The following MAP1B variants were observed in gnomAD, a reference collection of about 807,000 sequenced individuals.
MAP1B encodes microtubule-associated protein 1B.
Under a neutral mutation model 176.1 loss-of-function variants are expected in MAP1B, and 12 were observed. That is an observed-to-expected ratio of 0.07 (90% CI 0.04 to 0.11). The LOEUF is 0.11. Among genes scored for constraint, MAP1B ranks in the 10% least tolerant of loss-of-function variants. The pLI, the probability that MAP1B is intolerant of heterozygous loss-of-function variation, is 1.00. For missense variants in MAP1B, 2,523 were observed against 2,990.5 expected, an observed-to-expected ratio of 0.84 and a Z score of 3.65; for synonymous variants, 1,044 against 1,135.0, an observed-to-expected ratio of 0.92 and a Z score of 1.61.
At chr5:72,174,589 C>CG (rs1462688290) in intron 2 of MAP1B, among the ~76,000 whole-genome samples, 24 of 152,288 alleles carry the variant, frequency 1.6e-4, no homozygotes, top group Admixed American at 9.8e-4. Context: ...GCTAGGCTTG[C>CG]GGGGGCCACA....
At chr5:72,178,880 G>A (rs551279624) in intron 2 of MAP1B, among the ~76,000 whole-genome samples, 9 of 152,104 alleles carry the variant, frequency 5.9e-5, no homozygotes, top group African/African-American at 1.7e-4. Flanking sequence ...GCTGAATGTA[G>A]CAAAACATAA....
intron 2 of MAP1B, among the ~76,000 whole-genome samples, chr5:72,174,635 A>G (rs1200393565): frequency 1.3e-5 from 2 of 152,112 alleles, no homozygotes; most frequent in Non-Finnish European, 2.9e-5. Flanking sequence ...TACATTTTAC[A>G]TGCAGAGGAG....
At chr5:72,158,747 A>G (rs1746275395) in intron 2 of MAP1B, among the ~76,000 whole-genome samples, 1 of 152,182 alleles carries the variant, frequency 6.6e-6, no homozygotes, top group Non-Finnish European at 1.5e-5. Flanking sequence ...TAAGACTCGT[A>G]TGTGGTGAGG....
chr5:72,190,429 T>A (rs1747002338), intron 4 of MAP1B, among the ~76,000 whole-genome samples: 1 of 152,240 alleles, frequency 6.6e-6, no homozygotes, highest in South Asian at 2.1e-4. Context: ...GATATTATTG[T>A]TAAGCCACAT....
At position 72,194,667 on chromosome 5, in the gene MAP1B, A is replaced by G; in HGVS notation, c.1312A>G (p.Met438Val). The G allele has an allele frequency of 1.9e-6, 3 of 1,614,218 alleles. No individual in the cohort carries two copies. The highest frequency in any genetic ancestry group is 2.5e-6 in the Non-Finnish European group (3 of 1,180,048). Residue 438 changes from methionine to valine, a missense_variant, in exon 5 of 7, where the codon ATG (methionine) becomes GTG (valine). Met to Val is a conservative substitution (Grantham distance 21). Coordinates refer to ENST00000296755, the MANE Select transcript of MAP1B (RefSeq NM_005909.5). This position sits in a 1 kb window ranked among gnomAD's most constrained non-coding sequence, Gnocchi z 7.2. ...GAGCAGCAAGGAAATGCAGTATTTT[A>G]TGCAGCAGTGGACTGGTACCAACAA... ...VKSSKEMQYF[M>V]QQWTGTNKDK...
intron 2 of MAP1B, among the ~76,000 whole-genome samples, chr5:72,153,217 T>C (rs1746174834): frequency 6.6e-6 from 1 of 152,090 alleles, no homozygotes; most frequent in Non-Finnish European, 1.5e-5. Flanking sequence ...GCGGGTTAGC[T>C]GTGCTGGGTT....
rs1343290636 is a variant in MAP1B, at chr5:72,144,248, GA to G, written c.286+28451del. ...AAGCTTGTTAGACCTCCTCTCTAAAGAAGAAAAAGAGAGAGAGAGACTTGAT... is the reference window on the plus strand; with the variant it reads ...AAGCTTGTTAGACCTCCTCTCTAAAGAGAAAAAGAGAGAGAGAGACTTGAT... On this transcript the variant is annotated intron_variant, in intron 2 of 6. Transcript: ENST00000296755. Among the ~76,000 whole-genome samples the G allele has an allele frequency of 3.3e-5, 5 of 152,232 alleles. No individual in the cohort carries two copies. In the East Asian group the frequency reaches 9.6e-4, roughly 29 times the overall value.
At chr5:72,123,415 C>G (rs962486205) in intron 2 of MAP1B, among the ~76,000 whole-genome samples, 1 of 151,694 alleles carries the variant, frequency 6.6e-6, no homozygotes, top group Non-Finnish European at 1.5e-5. Context: ...GCTACCCTCT[C>G]GTCTCAGCCT....
intron 2 of MAP1B, among the ~76,000 whole-genome samples, chr5:72,147,013 T>A (rs952317204): frequency 1.2e-4 from 18 of 148,450 alleles, no homozygotes; most frequent in Admixed American, 6.2e-4. Flanking sequence ...CAGGCTGGAG[T>A]GCAGTGGCAT....
chr5:72,201,817 A>G (rs1747339027), intron 5 of MAP1B, among the ~76,000 whole-genome samples: 1 of 152,246 alleles, frequency 6.6e-6, no homozygotes, highest in Non-Finnish European at 1.5e-5. Context: ...CTCAGTTCTC[A>G]GCACATTTGG....
At chr5:72,179,497 C>G in intron 2 of MAP1B, 1 of 434,148 alleles carries the variant, frequency 2.3e-6, no homozygotes, top group Non-Finnish European at 3.1e-6. Flanking sequence ...GTGAAACATT[C>G]CCCAAATATG....
At chr5:72,145,165 T>C (rs1173300934) in intron 2 of MAP1B, among the ~76,000 whole-genome samples, 1 of 152,184 alleles carries the variant, frequency 6.6e-6, no homozygotes, top group African/African-American at 2.4e-5. Flanking sequence ...AGGGCACTAG[T>C]CTTTAAAGAC....
intron 1 of MAP1B, among the ~76,000 whole-genome samples, chr5:72,112,436 C>G (rs537004167): frequency 6.6e-6 from 1 of 152,328 alleles, no homozygotes; most frequent in East Asian, 1.9e-4. Flanking sequence ...CCTGTACACA[C>G]CAAGAGTACC....
chr5:72,178,349 C>T (rs932213058), intron 2 of MAP1B, among the ~76,000 whole-genome samples: 24 of 152,238 alleles, frequency 1.6e-4, no homozygotes, highest in Non-Finnish European at 2.9e-5. Context: ...TGTGGTCTTT[C>T]TTGATCGACC....
chr5:72,124,434 G>T (rs973609468), intron 2 of MAP1B, among the ~76,000 whole-genome samples: 1 of 152,200 alleles, frequency 6.6e-6, no homozygotes, highest in African/African-American at 2.4e-5. Flanking sequence ...TATAGAAAAT[G>T]CAACAAGAGC....
At chr5:72,155,139 T>C (rs954984624) in intron 2 of MAP1B, among the ~76,000 whole-genome samples, 1 of 152,244 alleles carries the variant, frequency 6.6e-6, no homozygotes, top group African/African-American at 2.4e-5. Flanking sequence ...TATTATTTTC[T>C]AAACTTTTTA....
chr5:72,152,878 T>G (rs999120628), intron 2 of MAP1B, among the ~76,000 whole-genome samples: 2 of 152,178 alleles, frequency 1.3e-5, no homozygotes, highest in African/African-American at 4.8e-5. Context: ...GGCCCCAGGC[T>G]GCTCTCATGC....
At position 72,129,277 on chromosome 5, in the gene MAP1B, C is replaced by T. The variant is rs553744530; in HGVS notation, c.286+13478C>T. Among the ~76,000 whole-genome samples, 50 of 152,130 alleles carry T rather than the reference C, an allele frequency of 3.3e-4. No individual in the cohort carries two copies. The Middle Eastern group carries it at 0.014, about 42-fold the overall frequency. ...ATTAGAAGATCCAAGTAAATAGGGCCGGGTGTGGTGGCTCACGCCTGTAAT... is the reference window on the plus strand; with the variant it reads ...ATTAGAAGATCCAAGTAAATAGGGCTGGGTGTGGTGGCTCACGCCTGTAAT... On this transcript the variant is annotated intron_variant, in intron 2 of 6. Coordinates refer to ENST00000296755, the MANE Select transcript of MAP1B (RefSeq NM_005909.5).
chr5:72,133,439 G>A (rs528779217), intron 2 of MAP1B, among the ~76,000 whole-genome samples: 1 of 152,312 alleles, frequency 6.6e-6, no homozygotes, highest in East Asian at 1.9e-4. Flanking sequence ...TAGGATTAGG[G>A]GCAGGTATTT....
Sources: gnomAD v4.1 joint callset for allele counts (sites outside exome capture counted in the v4.1 genomes callset) on GRCh38, gnomAD v4.1.1 for gene constraint, Gnocchi (gnomAD v3.1) non-coding constraint, MANE v1.5 for transcripts, NCBI Gene and HGNC (gene_info 2026-07-23, HGNC 2026-07-21) for gene names.